Variants in FARS2 observed in about 807,000 individuals in gnomAD.
FARS2 encodes phenylalanine--tRNA ligase, mitochondrial.
FARS2 carries 40 observed loss-of-function variants against 46.4 expected under a neutral mutation model. That is an observed-to-expected ratio of 0.86 (90% CI 0.67 to 1.12). The LOEUF is 1.12. FARS2 is among the 50% of genes most tolerant of loss of function. The probability of loss-of-function intolerance (pLI) is 0.00; values close to 1 mark genes in which losing one functional copy is unlikely to be tolerated. For synonymous variants in FARS2, 234 were observed against 214.9 expected, an observed-to-expected ratio of 1.09 and a Z score of -0.78; for missense variants, 513 against 567.9, an observed-to-expected ratio of 0.90 and a Z score of 0.98.
At chr6:5,536,474 CTTA>C (rs1254358747) in intron 4 of FARS2, among the ~76,000 whole-genome samples, 1 of 152,068 alleles carries the variant, frequency 6.6e-6, no homozygotes, top group Non-Finnish European at 1.5e-5. Flanking sequence ...AGCTCTGCCA[CTTA>C]TTAGTATGGT....
At chr6:5,431,530 G>C in intron 4 of FARS2, 4 of 432,290 alleles carry the variant, frequency 9.3e-6, no homozygotes, top group South Asian at 6.8e-5. Flanking sequence ...TAAGAACAAA[G>C]ACAATGCATA....
Position 5,630,578 on chromosome 6 carries a change from T to A in FARS2, c.1217+17258T>A, listed in dbSNP as rs1371885149. Among the ~76,000 whole-genome samples the A allele has an allele frequency of 6.6e-6, 1 of 152,226 alleles. No individual in the cohort carries two copies. The highest frequency in any genetic ancestry group is 1.5e-5 in the Non-Finnish European group (1 of 68,044). Reference sequence around the variant, plus strand: ...CTCTTCATACTTATGTGTCTGGTAATAGGCATTTGAAATAATACTGCAGGG... The same window carrying A: ...CTCTTCATACTTATGTGTCTGGTAAAAGGCATTTGAAATAATACTGCAGGG... On this transcript the variant is annotated intron_variant, in intron 6 of 6. Coordinates refer to ENST00000274680, the MANE Select transcript of FARS2 (RefSeq NM_006567.5). This position sits in a 1 kb window ranked among gnomAD's most constrained non-coding sequence, Gnocchi z 4.2.
chr6:5,539,400 G>GA (rs1561696621), intron 4 of FARS2, among the ~76,000 whole-genome samples: 1 of 86,718 alleles, frequency 1.2e-5, no homozygotes, highest in Non-Finnish European at 1.9e-5. Context: ...ATATATATAT[G>GA]TATATATTTT....
intron 1 of FARS2, among the ~76,000 whole-genome samples, chr6:5,273,786 A>G (rs1766136469): frequency 6.6e-6 from 1 of 152,170 alleles, no homozygotes; most frequent in Non-Finnish European, 1.5e-5. Context: ...GTATTCTTGT[A>G]GTAGTTTCAT....
intron 6 of FARS2, among the ~76,000 whole-genome samples, chr6:5,641,939 CACTT>C (rs1444253820): frequency 6.6e-6 from 1 of 152,190 alleles, no homozygotes; most frequent in Admixed American, 6.5e-5. Flanking sequence ...TGCTGTTTGA[CACTT>C]ACTGACTTTA....
At chr6:5,396,376 C>A (rs1760903948) in intron 2 of FARS2, among the ~76,000 whole-genome samples, 4 of 152,054 alleles carry the variant, frequency 2.6e-5, no homozygotes, top group Admixed American at 2.6e-4. Flanking sequence ...TTGTTTTTTG[C>A]ATAATCATTT....
At chr6:5,571,884 A>C (rs1582476336) in intron 5 of FARS2, among the ~76,000 whole-genome samples, 1 of 149,596 alleles carries the variant, frequency 6.7e-6, no homozygotes, top group African/African-American at 2.5e-5. Context: ...TGTTAGGCAA[A>C]CCTCTAGCCT....
intron 5 of FARS2, among the ~76,000 whole-genome samples, chr6:5,561,997 C>G (rs1772011456): frequency 6.6e-6 from 1 of 151,688 alleles, no homozygotes; most frequent in Non-Finnish European, 1.5e-5. Context: ...ATTTTGTTTC[C>G]TAATTTCTTG....
chr6:5,290,962 C>T (rs1767461116), intron 1 of FARS2: 1 of 152,306 alleles, frequency 6.6e-6, no homozygotes, highest in Non-Finnish European at 1.5e-5. Context: ...TCAAGTGATC[C>T]TCCCACCTCA....
intron 1 of FARS2, among the ~76,000 whole-genome samples, chr6:5,312,977 A>G (rs1397191578): frequency 6.6e-6 from 1 of 152,184 alleles, no homozygotes; most frequent in East Asian, 1.9e-4. Context: ...TGGAGAGCAC[A>G]TAGCTATGGC....
chr6:5,271,585 C>T (rs867198520), intron 1 of FARS2, among the ~76,000 whole-genome samples: 25 of 61,116 alleles, frequency 4.1e-4, no homozygotes, highest in African/African-American at 1.7e-3. Context: ...TTTTTTGAGG[C>T]GGAGTCTCGC....
intron 3 of FARS2, among the ~76,000 whole-genome samples, chr6:5,425,688 A>C (rs1448545687): frequency 6.6e-6 from 1 of 152,152 alleles, no homozygotes. Flanking sequence ...TACCTCTTCC[A>C]TTTGGGCTCA....
At chr6:5,750,048 G>C (rs1761857511) in intron 6 of FARS2, among the ~76,000 whole-genome samples, 1 of 152,198 alleles carries the variant, frequency 6.6e-6, no homozygotes, top group Non-Finnish European at 1.5e-5. Flanking sequence ...CATGCCAGGT[G>C]CTGGAGATGC....
At chr6:5,495,059 G>A (rs923078527) in intron 4 of FARS2, among the ~76,000 whole-genome samples, 2 of 152,320 alleles carry the variant, frequency 1.3e-5, no homozygotes, top group East Asian at 3.9e-4. Flanking sequence ...ACGAATGTCT[G>A]CCAGAGCAGA....
chr6:5,459,102 C>G (rs1765083647), intron 4 of FARS2, among the ~76,000 whole-genome samples: 2 of 152,204 alleles, frequency 1.3e-5, no homozygotes, highest in African/African-American at 4.8e-5. Flanking sequence ...GACACTGGTC[C>G]ATGTGGCCAG....
At chr6:5,665,174 C>T (rs1484866724) in intron 6 of FARS2, 2 of 152,272 alleles carry the variant, frequency 1.3e-5, no homozygotes, top group Non-Finnish European at 2.9e-5. Context: ...GAAGCTCACC[C>T]AAAAACCCCG....
chr6:5,756,142 A>G (rs1762193325), intron 6 of FARS2, among the ~76,000 whole-genome samples: 1 of 152,182 alleles, frequency 6.6e-6, no homozygotes. Flanking sequence ...GAAGGTTAAA[A>G]TCTAAGCTCT....
chr6:5,771,184 C>A, intron 6 of FARS2, 107 bp from the exon 7 acceptor site: 1 of 1,249,156 alleles, frequency 8.0e-7, no homozygotes. Flanking sequence ...ATTCCAACCT[C>A]AGTTCTCCAC....
chr6:5,771,192 C>A, intron 6 of FARS2, 99 bp from the exon 7 acceptor site: 1 of 1,328,034 alleles, frequency 7.5e-7, no homozygotes, highest in Non-Finnish European at 1.1e-6. Context: ...CTCAGTTCTC[C>A]ACTGCAGTTG....
Sources: allele counts gnomAD v4.1 joint callset (sites outside exome capture counted in the v4.1 genomes callset), GRCh38; gene constraint gnomAD v4.1.1; non-coding constraint Gnocchi (gnomAD v3.1); transcripts MANE v1.5; gene names NCBI Gene and HGNC (gene_info 2026-07-23, HGNC 2026-07-21).